PIEZO2: variants seen among roughly 807,000 people sequenced by gnomAD.
The protein encoded by PIEZO2 is piezo type mechanosensitive ion channel component 2.
Under a neutral mutation model 337.3 loss-of-function variants are expected in PIEZO2, and 172 were observed. That is an observed-to-expected ratio of 0.51 (90% CI 0.45 to 0.58). The LOEUF (loss-of-function observed/expected upper bound fraction) is 0.58, where lower values mean the gene tolerates loss of function less well. PIEZO2 is among the 20% of genes least tolerant of loss of function. PIEZO2 has a pLI of 0.00. For missense variants in PIEZO2, 3,028 were observed against 3,391.3 expected (o/e 0.89, Z 2.66); for synonymous variants, 1,251 against 1,228.5 (o/e 1.02, Z -0.38).
At position 10,775,404 on chromosome 18, in the gene PIEZO2, C is replaced by T. The variant is rs2038749085; in HGVS notation, c.2535-1366G>A. 6.6e-6 allele frequency among the ~76,000 whole-genome samples: 1 copy of T among 152,122 alleles called. No individual in the cohort carries two copies. The highest frequency in any genetic ancestry group is 1.5e-5 in the Non-Finnish European group (1 of 68,026). On this transcript the variant is annotated intron_variant, in intron 18 of 55. Coordinates refer to ENST00000674853, the MANE Select transcript of PIEZO2 (RefSeq NM_001378183.1). This position sits in a 1 kb window ranked among gnomAD's most constrained non-coding sequence, Gnocchi z 4.3. ...ACAGTCGTCAGTATGTATTTGTTCTCTTCAGGGATGCATTTTATAAATGAA... is the reference window on the plus strand; with the variant it reads ...ACAGTCGTCAGTATGTATTTGTTCTTTTCAGGGATGCATTTTATAAATGAA...
intron 5 of PIEZO2, among the ~76,000 whole-genome samples, chr18:10,869,227 A>C (rs2014856): frequency 0.35 from 52,640 of 152,032 alleles, 9,175 homozygotes; most frequent in South Asian, 0.37. Context: ...GAAAGAGAAG[A>C]AACAATTGTC....
chr18:10,690,647 A>G (rs1007364502), intron 48 of PIEZO2, among the ~76,000 whole-genome samples: 3 of 152,202 alleles, frequency 2.0e-5, no homozygotes, highest in Non-Finnish European at 4.4e-5. Flanking sequence ...AGTGCCACGG[A>G]CTGTCTCACT....
At chr18:11,010,434 C>G (rs1003733835) in intron 2 of PIEZO2, among the ~76,000 whole-genome samples, 1 of 152,164 alleles carries the variant, frequency 6.6e-6, no homozygotes, top group Non-Finnish European at 1.5e-5. Flanking sequence ...GACACCTAAT[C>G]ACACAATCCT....
At chr18:10,725,742 G>A (rs1045875030) in intron 36 of PIEZO2, among the ~76,000 whole-genome samples, 2 of 152,194 alleles carry the variant, frequency 1.3e-5, no homozygotes, top group Non-Finnish European at 2.9e-5. Flanking sequence ...GTGGCGGCAG[G>A]GCTGGTGAGG....
intron 3 of PIEZO2, among the ~76,000 whole-genome samples, chr18:10,976,685 G>T (rs1259386625): frequency 3.3e-5 from 5 of 152,196 alleles, no homozygotes; most frequent in African/African-American, 1.2e-4. Flanking sequence ...CTGTATTGCA[G>T]TATAGGATGA....
In PIEZO2 at chr18:10,872,135, C is replaced by T. The variant is rs554451947; in HGVS notation, c.330-720G>A. On this transcript the variant is annotated intron_variant, in intron 4 of 55. Transcript: ENST00000674853. The surrounding 1 kb of genome is among the most constrained non-coding windows in gnomAD (Gnocchi z 4.3). ...TTAGAAGAAAATATAAATACATATACATGAAATAATGTTCGTGAAAGTTCT... is the reference window on the plus strand; with the variant it reads ...TTAGAAGAAAATATAAATACATATATATGAAATAATGTTCGTGAAAGTTCT... Among the ~76,000 whole-genome samples the T allele has an allele frequency of 3.9e-5, 6 of 152,284 alleles. No homozygotes were observed. The highest frequency in any genetic ancestry group is 6.5e-5 in the Admixed American group (1 of 15,292).
Position 10,762,575 on chromosome 18 carries a change from CA to C in PIEZO2, c.3173del (p.Leu1058ArgfsTer22). The C allele has an allele frequency of 6.5e-7, 1 of 1,537,434 alleles. No individual in the cohort carries two copies. The highest frequency in any genetic ancestry group is 8.7e-7 in the Non-Finnish European group (1 of 1,146,926). On this transcript the variant is annotated frameshift_variant, in exon 23 of 56. Transcript: ENST00000674853. LOFTEE classifies it high-confidence loss of function. ...TAGGATCGATAGGAGCGCTGTAGAGCAGAGACTTGTTCAACTCATTAAAGGG... is the reference window on the plus strand; with the variant it reads ...TAGGATCGATAGGAGCGCTGTAGAGCGAGACTTGTTCAACTCATTAAAGGG... The part of the protein sequence containing the change: ...NIPFNELNKS[L>X]LYSAPIDPTE...
At position 11,101,182 on chromosome 18, in the gene PIEZO2, G is replaced by C. The variant is rs1043046955; in HGVS notation, c.65-34960C>G. Among the ~76,000 whole-genome samples, 4 of 152,158 alleles carry C rather than the reference G, an allele frequency of 2.6e-5. No homozygotes were observed. The South Asian group carries it at 8.3e-4, about 32-fold the overall frequency. On this transcript the variant is annotated intron_variant, in intron 1 of 55. Transcript: ENST00000674853. This position sits in a 1 kb window ranked among gnomAD's most constrained non-coding sequence, Gnocchi z 4.4. ...AGGTTCATCCACTCAAGCCCATTTT[G>C]GGCTCATTCCATCTGGGCCAGCCCA...
intron 49 of PIEZO2, among the ~76,000 whole-genome samples, chr18:10,684,602 C>A (rs2143548086): frequency 6.6e-6 from 1 of 151,972 alleles, no homozygotes; most frequent in East Asian, 1.9e-4. Context: ...GTAGCTGGGA[C>A]TACAGGCACA....
chr18:10,671,195 T>C lies in PIEZO2; in HGVS notation c.*332A>G, dbSNP rs1008710199. 1.8e-5 allele frequency: 4 copies of C among 220,716 alleles called. No homozygotes were observed. Among genetic ancestry groups the C allele is most frequent in the Non-Finnish European group, 3.6e-5 (4 of 111,138 alleles). 13.7% of individuals were successfully genotyped at this position (220,716 alleles called of 1,614,324 possible). Reference sequence around the variant, plus strand: ...GGCCCCACAGAGGAAAACACAGGCATCTTTCTTTCTGACTCCTCTTCTGTT... The same window carrying C: ...GGCCCCACAGAGGAAAACACAGGCACCTTTCTTTCTGACTCCTCTTCTGTT... On this transcript the variant is annotated 3_prime_UTR_variant, in exon 56 of 56. Coordinates refer to ENST00000674853, the MANE Select transcript of PIEZO2 (RefSeq NM_001378183.1).
chr18:11,030,150 C>A (rs915454568), intron 2 of PIEZO2, among the ~76,000 whole-genome samples: 3 of 152,098 alleles, frequency 2.0e-5, no homozygotes, highest in African/African-American at 7.2e-5. Context: ...CAAAGCCAAC[C>A]CCTTATAGTG....
At chr18:11,123,586 A>C (rs7504928) in intron 1 of PIEZO2, among the ~76,000 whole-genome samples, 1 of 152,124 alleles carries the variant, frequency 6.6e-6, no homozygotes, top group Non-Finnish European at 1.5e-5. Context: ...AGGCGGGCGG[A>C]TCATGAGGTC....
chr18:11,141,272 C>T (rs2040636836), intron 1 of PIEZO2, among the ~76,000 whole-genome samples: 1 of 152,074 alleles, frequency 6.6e-6, no homozygotes. Flanking sequence ...GGGCTAATGA[C>T]CAAGTGGTGT....
rs973778044 is a variant in PIEZO2, at chr18:10,713,578, G to A, written c.5423+1186C>T. Among the ~76,000 whole-genome samples the A allele has an allele frequency of 1.3e-5, 2 of 152,162 alleles. No individual in the cohort carries two copies. The highest frequency in any genetic ancestry group is 4.8e-5 in the African/African-American group (2 of 41,432). Reference sequence around the variant, plus strand: ...TTCTGACCAGCAGTCAGAGACACCAGTCTCTACTGTCCTCCCCAGGGCAAG... The same window carrying A: ...TTCTGACCAGCAGTCAGAGACACCAATCTCTACTGTCCTCCCCAGGGCAAG... On this transcript the variant is annotated intron_variant, in intron 39 of 55. Transcript: ENST00000674853. The surrounding 1 kb of genome is among the most constrained non-coding windows in gnomAD (Gnocchi z 4.5).
At chr18:10,710,036 C>T (rs1362852230) in intron 39 of PIEZO2, among the ~76,000 whole-genome samples, 2 of 152,268 alleles carry the variant, frequency 1.3e-5, no homozygotes, top group Non-Finnish European at 2.9e-5. Context: ...GTGCCCCTTT[C>T]TGGGGCCCCA....
chr18:10,731,585 C>A, intron 35 of PIEZO2, 64 bp from the exon 36 acceptor site: 1 of 1,020,016 alleles, frequency 9.8e-7, no homozygotes, highest in Non-Finnish European at 1.4e-6. Context: ...GGGACCTACA[C>A]CAAGCTTCCT....
intron 7 of PIEZO2, among the ~76,000 whole-genome samples, chr18:10,831,117 G>A (rs1028535058): frequency 3.9e-5 from 6 of 152,100 alleles, no homozygotes; most frequent in Admixed American, 3.3e-4. Context: ...ACAGTACGGA[G>A]GTTCCTCAAA....
chr18:10,705,376 G>C lies in PIEZO2; in HGVS notation c.5959C>G (p.Leu1987Val). The change falls in exon 41 of 56, where the codon CTG becomes GTG. Residue 1987 changes from leucine to valine, a missense_variant. Coordinates refer to ENST00000674853, the MANE Select transcript of PIEZO2 (RefSeq NM_001378183.1). Reference sequence around the variant, plus strand: ...TCGCTGGCCGTCAGCTCATGGGTCAGGGGAGGTAAGATGCTGGACCCCAGC... The same window carrying C: ...TCGCTGGCCGTCAGCTCATGGGTCACGGGAGGTAAGATGCTGGACCCCAGC... ...DKLGSSILPP[L>V]THELTASELL... The C allele has an allele frequency of 6.5e-7, 1 of 1,537,132 alleles. No individual in the cohort carries two copies. Among genetic ancestry groups the C allele is most frequent in the Non-Finnish European group, 8.7e-7 (1 of 1,146,844 alleles).
Position 10,705,474 on chromosome 18 carries a change from G to A in PIEZO2, c.5861C>T (p.Ser1954Phe). ...TGCAGAGTCGTCCTGCGAGCCGAAG[G>A]ACAGATGCTCGAAGCTCACAGCCTT... ...YSKAVSFEHL[S>F]FGSQDDSAGK... is the part of the protein sequence containing the mutation. Residue 1954 changes from serine (S) to phenylalanine (F), a missense_variant, in exon 41 of 56, where the codon TCC (serine) becomes TTC (phenylalanine). By Grantham distance (155) the Ser-to-Phe change is radical. This residue lies in a region of PIEZO2 where 1,925 missense variants were observed against 2,051.9 expected (regional missense o/e 0.94). Coordinates refer to ENST00000674853, the MANE Select transcript of PIEZO2 (RefSeq NM_001378183.1). 1.3e-6 allele frequency: 2 copies of A among 1,537,286 alleles called. No homozygotes were observed. The highest frequency in any genetic ancestry group is 1.4e-5 in the African/African-American group (1 of 73,182).
Sources: gnomAD v4.1 joint callset for allele counts (sites outside exome capture counted in the v4.1 genomes callset) on GRCh38, gnomAD v4.1.1 for gene constraint, gnomAD v4.1.1 regional missense constraint, Gnocchi (gnomAD v3.1) non-coding constraint, MANE v1.5 for transcripts, NCBI Gene and HGNC (gene_info 2026-07-23, HGNC 2026-07-21) for gene names.